The following CHD1 variants were observed in gnomAD, a reference collection of about 807,000 sequenced individuals.
CHD1 encodes ATP-dependent chromatin remodeler CHD1.
A neutral mutation model predicts 224.2 loss-of-function variants in CHD1; 36 were observed. The observed-to-expected ratio is 0.16, with a 90% confidence interval of 0.12 to 0.21. The LOEUF (loss-of-function observed/expected upper bound fraction) is 0.21, where lower values mean the gene tolerates loss of function less well. CHD1 is among the 10% of genes least tolerant of loss of function. The pLI is 1.00. For missense variants in CHD1, 1,378 were observed against 1,994.8 expected (o/e 0.69, Z 5.89); for synonymous variants, 668 against 658.3 (o/e 1.01, Z -0.23).
rs372073585 is a variant in CHD1 at position 98,900,471 on chromosome 5, G to A, written c.859+340C>T. On this transcript the variant is annotated intron_variant, in intron 7 of 35. Transcript: ENST00000614616. Reference sequence around the variant, plus strand: ...TTTTTTTTTTTTGAGATGGAGTTTCGCTCTGTCACCCAGGCTGGAGTGCAG... The same window carrying A: ...TTTTTTTTTTTTGAGATGGAGTTTCACTCTGTCACCCAGGCTGGAGTGCAG... 1.1e-3 allele frequency among the ~76,000 whole-genome samples: 152 copies of A among 138,802 alleles called. 1 individual carries two copies. The highest frequency in any genetic ancestry group is 3.6e-3 in the African/African-American group (131 of 36,808). 91.1% of individuals were successfully genotyped at this position (138,802 alleles called of 152,430 possible). A position where few individuals can be genotyped will look rare whatever the true frequency, so the allele number is the denominator to read the frequency against.
intron 14 of CHD1, 21 bp downstream of exon 14, chr5:98,893,395 A>G: frequency 6.5e-7 from 1 of 1,539,976 alleles, no homozygotes; most frequent in South Asian, 1.2e-5. Flanking sequence ...CAATATGATT[A>G]AAATTGTAAA....
rs758703777 is a variant in CHD1, at chr5:98,872,217, A to T, written c.3711-16T>A. 1.9e-6 allele frequency: 3 copies of T among 1,593,872 alleles called. No homozygotes were observed. The highest frequency in any genetic ancestry group is 8.5e-7 in the Non-Finnish European group (1 of 1,172,670). ...GATAGTATACCTGGCATCAAAGTTAATAACTAATGATAAGTTTGTAATTGC... is the reference window on the plus strand; with the variant it reads ...GATAGTATACCTGGCATCAAAGTTATTAACTAATGATAAGTTTGTAATTGC... On this transcript the variant is annotated splice_polypyrimidine_tract_variant and intron_variant, in intron 27 of 35. Transcript: ENST00000614616.
In CHD1 at chr5:98,889,154, T is replaced by C. The variant is rs764438196; in HGVS notation, c.2265A>G (p.Leu755=). ...TSGFLNIMME[L]KKCCNHCYLI... is the part of the protein sequence containing the mutation. The stretch of plus-strand genomic sequence containing the variant: ...GGTAGCAATGGTTACAACATTTCTT[T>C]AGCTCCATCATAATGTTCAAAAAGC... The change falls in exon 16 of 36, where the codon CTA becomes CTG. Residue 755 remains leucine (L), a synonymous_variant. Coordinates refer to ENST00000614616, the MANE Select transcript of CHD1 (RefSeq NM_001270.4). The C allele has an allele frequency of 1.9e-6, 3 of 1,608,240 alleles. No individual in the cohort carries two copies. The highest frequency in any genetic ancestry group is 2.6e-6 in the Non-Finnish European group (3 of 1,175,106).
rs1233149866 is a variant in CHD1 at position 98,879,549 on chromosome 5, C to T, written c.3237+3G>A. The T allele has an allele frequency of 2.5e-6, 4 of 1,581,274 alleles. No homozygotes were observed. The highest frequency in any genetic ancestry group is 2.6e-6 in the Non-Finnish European group (3 of 1,171,632). ...AGAAATATCTTTAAAATTGCAAAAT[C>T]ACCTGTTTTGCACAATTTCTCATTC... On this transcript the variant is annotated splice_donor_region_variant and intron_variant, in intron 23 of 35. Transcript: ENST00000614616.
At chr5:98,915,736 T>C (rs190953511) in intron 2 of CHD1, among the ~76,000 whole-genome samples, 318 of 152,242 alleles carry the variant, frequency 2.1e-3, no homozygotes, top group Middle Eastern at 6.8e-3. Flanking sequence ...TGGGAGAGGG[T>C]AACAGGAGTT....
chr5:98,926,175 C>T (rs1177315146), intron 2 of CHD1, among the ~76,000 whole-genome samples, 159 bp downstream of exon 2: 2 of 152,052 alleles, frequency 1.3e-5, no homozygotes. Context: ...AAAAAAGGTT[C>T]GTATATCAGA....
At chr5:98,909,011 TATC>T (rs1370333890) in intron 2 of CHD1, among the ~76,000 whole-genome samples, 1 of 150,670 alleles carries the variant, frequency 6.6e-6, no homozygotes, top group Non-Finnish European at 1.5e-5. Flanking sequence ...TATGATGAAT[TATC>T]ATGAATCTAT....
chr5:98,893,490 G>A lies in CHD1; in HGVS notation c.1917C>T (p.Leu639=), dbSNP rs748199660. ...TCTGTAGAGGAGTTCCAGTGATAAG[G>A]AGACGATGATTGGATTTAAAATCTA... ...TLIDFKSNHR[L]LITGTPLQNS... The change falls in exon 14 of 36, where the codon CTC becomes CTT. Residue 639 remains leucine (L), a synonymous_variant. Coordinates refer to ENST00000614616, the MANE Select transcript of CHD1 (RefSeq NM_001270.4). The A allele has an allele frequency of 1.9e-6, 3 of 1,611,978 alleles. No individual in the cohort carries two copies. Among genetic ancestry groups the A allele is most frequent in the Non-Finnish European group, 2.5e-6 (3 of 1,178,598 alleles).
intron 33 of CHD1, 68 bp from the exon 34 acceptor site, chr5:98,859,083 A>G: frequency 1.7e-6 from 2 of 1,194,956 alleles, no homozygotes; most frequent in South Asian, 2.7e-5. Context: ...AGCACAGATA[A>G]TTCTTAGAAA....
chr5:98,865,382 A>G (rs189576815), intron 31 of CHD1, among the ~76,000 whole-genome samples: 1 of 152,334 alleles, frequency 6.6e-6, no homozygotes. Flanking sequence ...GCACAGAAAT[A>G]TAACGGTGTG....
At chr5:98,891,055 A>C (rs538876339) in intron 15 of CHD1, among the ~76,000 whole-genome samples, 1 of 152,258 alleles carries the variant, frequency 6.6e-6, no homozygotes, top group East Asian at 1.9e-4. Flanking sequence ...TAATTTCCTA[A>C]ATTGTGAAAA....
chr5:98,856,832 G>C (rs548015792), intron 35 of CHD1, 107 bp from the exon 36 acceptor site: 5 of 755,366 alleles, frequency 6.6e-6, no homozygotes, highest in Non-Finnish European at 1.0e-5. Flanking sequence ...GTTTTTAATT[G>C]TATAGAAATT....
Position 98,872,397 on chromosome 5 carries a change from G to T in CHD1, c.3710+20C>A. On this transcript the variant is annotated intron_variant, in intron 27 of 35. Coordinates refer to ENST00000614616, the MANE Select transcript of CHD1 (RefSeq NM_001270.4). The stretch of plus-strand genomic sequence containing the variant: ...TATTGAATAACAAAAATCTTACAAT[G>T]GAGAAAATAAATCACTCACTGCTTT... 1 of 1,598,658 alleles carries T rather than the reference G, an allele frequency of 6.3e-7. No homozygotes were observed. The highest frequency in any genetic ancestry group is 1.1e-5 in the South Asian group (1 of 87,690).
intron 26 of CHD1, 55 bp downstream of exon 26, chr5:98,873,538 A>C: frequency 7.2e-7 from 1 of 1,384,792 alleles, no homozygotes; most frequent in Non-Finnish European, 9.7e-7. Context: ...TCAATAAAGC[A>C]TATTTTGAAG....
chr5:98,858,296 A>G lies in CHD1; in HGVS notation c.4671T>C (p.His1557=), dbSNP rs1748193391. The change falls in exon 35 of 36, where the codon CAT becomes CAC. Residue 1557 remains histidine (H), a synonymous_variant. Transcript: ENST00000614616. ...AAGAATCTCCCTGATGTCGGTCTTTATGATGATCATGGTACTGAGTTAAGT... is the reference window on the plus strand; with the variant it reads ...AAGAATCTCCCTGATGTCGGTCTTTGTGATGATCATGGTACTGAGTTAAGT... The part of the protein sequence containing the change: ...DRHLTQYHDH[H]KDRHQGDSYK... 1 of 1,613,210 alleles carries G rather than the reference A, an allele frequency of 6.2e-7. No individual in the cohort carries two copies. The highest frequency in any genetic ancestry group is 1.1e-5 in the South Asian group (1 of 91,064).
intron 1 of CHD1, among the ~76,000 whole-genome samples, 171 bp downstream of exon 1, chr5:98,928,368 A>C (rs901726626): frequency 1.3e-5 from 2 of 151,886 alleles, no homozygotes; most frequent in Non-Finnish European, 2.9e-5. Context: ...CTCGCCGCTC[A>C]CACGCCCCCT....
At chr5:98,903,198 C>T (rs1427300247) in intron 4 of CHD1, among the ~76,000 whole-genome samples, 2 of 152,020 alleles carry the variant, frequency 1.3e-5, no homozygotes, top group African/African-American at 4.8e-5. Context: ...TTGTATGAAA[C>T]CTTAAAATCT....
intron 2 of CHD1, among the ~76,000 whole-genome samples, chr5:98,911,381 A>G (rs541736186): frequency 6.6e-6 from 1 of 152,024 alleles, no homozygotes; most frequent in Admixed American, 6.6e-5. Context: ...CTGAATGTCA[A>G]CTGGTAAGGG....
In CHD1 at chr5:98,883,257, C is replaced by A; in HGVS notation, c.2569-20G>T. ...AAAATCCTGTAAGAAATTGAATAAT[C>A]AAAATGAAAAATTTTTCAATTGATT... On this transcript the variant is annotated intron_variant, in intron 18 of 35. Transcript: ENST00000614616. 3 of 1,535,758 alleles carry A rather than the reference C, an allele frequency of 2.0e-6. No homozygotes were observed. In the South Asian group the frequency reaches 3.7e-5, roughly 19 times the overall value.
Sources: allele counts gnomAD v4.1 joint callset (sites outside exome capture counted in the v4.1 genomes callset), GRCh38; gene constraint gnomAD v4.1.1; transcripts MANE v1.5; gene names NCBI Gene and HGNC (gene_info 2026-07-23, HGNC 2026-07-21).